Variants in HYOU1 observed in about 807,000 individuals in gnomAD.
The protein encoded by HYOU1 is hypoxia up-regulated 1, also known as hypoxia up-regulated protein 1.
HYOU1 carries 40 observed loss-of-function variants against 120.5 expected under a neutral mutation model. The observed-to-expected ratio is 0.33, with a 90% CI of 0.26 to 0.43. HYOU1 has a LOEUF of 0.43. HYOU1 is among the 20% of genes least tolerant of loss of function. The pLI, the probability that HYOU1 is intolerant of heterozygous loss-of-function variation, is 1.00. For missense variants in HYOU1, 1,085 were observed against 1,278.3 expected, an observed-to-expected ratio of 0.85 and a Z score of 2.31; for synonymous variants, 501 against 479.4, an observed-to-expected ratio of 1.05 and a Z score of -0.59.
Position 119,051,150 on chromosome 11 carries a change from G to T in HYOU1, c.1550C>A (p.Thr517Asn), listed in dbSNP as rs2133582855. 1 of 1,614,190 alleles carries T rather than the reference G, an allele frequency of 6.2e-7. No individual in the cohort carries two copies. The highest frequency in any genetic ancestry group is 2.2e-5 in the East Asian group (1 of 44,884). ...DLRVFGSQNL[T>N]TVKLKGVGDS... ...ACCCACCCCTTTTAGCTTCACTGTGGTCAGATTCTGGGAGCCAAATACCCT... is the reference window on the plus strand; with the variant it reads ...ACCCACCCCTTTTAGCTTCACTGTGTTCAGATTCTGGGAGCCAAATACCCT... Residue 517 changes from threonine (T) to asparagine (N), a missense_variant, in exon 14 of 26, where the codon ACC (threonine) becomes AAC (asparagine). By Grantham distance (65) the Thr-to-Asn change is moderately conservative. Coordinates refer to ENST00000617285, the MANE Select transcript of HYOU1 (RefSeq NM_006389.5). The surrounding 1 kb of genome is among the most constrained non-coding windows in gnomAD (Gnocchi z 4.2).
chr11:119,051,665 G>T lies in HYOU1; in HGVS notation c.1339-40C>A, dbSNP rs2133587008. The T allele has an allele frequency of 6.2e-6, 10 of 1,610,738 alleles. No individual in the cohort carries two copies. In the South Asian group the frequency reaches 1.1e-4, roughly 18 times the overall value. On this transcript the variant is annotated intron_variant, in intron 12 of 25. Transcript: ENST00000617285. This position sits in a 1 kb window ranked among gnomAD's most constrained non-coding sequence, Gnocchi z 4.2. ...GACAGAGGCACACTGTTGCACACTAGAGAACCCGAGTAGGTTCTGGGGTAA... is the reference window on the plus strand; with the variant it reads ...GACAGAGGCACACTGTTGCACACTATAGAACCCGAGTAGGTTCTGGGGTAA...
intron 8 of HYOU1, chr11:119,053,032 T>C (rs2133597317): frequency 1.8e-6 from 1 of 548,198 alleles, no homozygotes; most frequent in Non-Finnish European, 3.2e-6. Flanking sequence ...CTTCCACTCA[T>C]TCATTCGACA....
At position 119,049,486 on chromosome 11, in the gene HYOU1, C is replaced by G. The variant is rs2133573259; in HGVS notation, c.1806+70G>C. 34 of 1,577,922 alleles carry G rather than the reference C, an allele frequency of 2.2e-5. No homozygotes were observed. In the East Asian group the frequency reaches 4.7e-4, roughly 22 times the overall value. On this transcript the variant is annotated intron_variant, in intron 16 of 25. Transcript: ENST00000617285. ...GGGCAGGGGTGGCCTACCCTCACCC[C>G]CTTCCTCTGCGGCTACTACCTGCAT...
Position 119,055,668 on chromosome 11 carries a change from C to A in HYOU1, c.185+82G>T, listed in dbSNP as rs1015581350. 1.3e-6 allele frequency: 2 copies of A among 1,488,528 alleles called. No individual in the cohort carries two copies. The highest frequency in any genetic ancestry group is 2.8e-5 in the African/African-American group (2 of 72,402). 92.2% of individuals were successfully genotyped at this position (1,488,528 alleles called of 1,614,324 possible). ...TTAACCACTCAGATGCCGAAGTCTG[C>A]TGTGGGCACTATGACTAACACATTC... is the stretch of plus-strand genomic sequence containing the variant. On this transcript the variant is annotated intron_variant, in intron 3 of 25. Transcript: ENST00000617285. The surrounding 1 kb of genome is among the most constrained non-coding windows in gnomAD (Gnocchi z 4.0).
Position 119,055,101 on chromosome 11 carries a change from C to T in HYOU1, c.420-41G>A. Reference sequence around the variant, plus strand: ...GTAGTTGGAGCCAAGGAAAGCCAGGCATTAAGGCAGGACAATCAGGAACAC... The same window carrying T: ...GTAGTTGGAGCCAAGGAAAGCCAGGTATTAAGGCAGGACAATCAGGAACAC... On this transcript the variant is annotated intron_variant, in intron 5 of 25. Transcript: ENST00000617285. This position sits in a 1 kb window ranked among gnomAD's most constrained non-coding sequence, Gnocchi z 4.0. 1 of 1,613,580 alleles carries T rather than the reference C, an allele frequency of 6.2e-7. No homozygotes were observed. Among genetic ancestry groups the T allele is most frequent in the Non-Finnish European group, 8.5e-7 (1 of 1,179,548 alleles).
rs1296883575 is a variant in HYOU1, at chr11:119,051,283, C to T, written c.1527-110G>A. On this transcript the variant is annotated intron_variant, in intron 13 of 25. Transcript: ENST00000617285. This position sits in a 1 kb window ranked among gnomAD's most constrained non-coding sequence, Gnocchi z 4.2. ...GTCAGGGGCACTCCCCAAGGGCACA[C>T]TCAAGAGGACGGATGCATTCTCCAG... 6.6e-7 allele frequency: 1 copy of T among 1,522,044 alleles called. No homozygotes were observed. The highest frequency in any genetic ancestry group is 9.0e-7 in the Non-Finnish European group (1 of 1,113,064). The allele number at this position is 1,522,044 out of a possible 1,614,324, so 94.3% of individuals were successfully genotyped here.
rs2133569431 is a variant in HYOU1, at chr11:119,049,076, G to A, written c.1934C>T (p.Ala645Val). Reference protein sequence around the residue: ...QPPPPEPKGDATPEGEKATEK... With the variant: ...QPPPPEPKGDVTPEGEKATEK... ...TGTGGCCTTTTCTCCCTCAGGGGTT[G>A]CATCTCCCTTAGGTTCAGGGGGTGG... The change falls in exon 17 of 26, where the codon GCA (alanine) becomes GTA (valine). Residue 645 changes from alanine to valine, a missense_variant. Transcript: ENST00000617285. The A allele has an allele frequency of 6.8e-6, 11 of 1,614,026 alleles. No individual in the cohort carries two copies. The highest frequency in any genetic ancestry group is 4.0e-5 in the African/African-American group (3 of 74,910).
chr11:119,045,626 T>C lies in HYOU1; in HGVS notation c.2967A>G (p.Gly989=). 6.2e-7 allele frequency: 1 copy of C among 1,614,198 alleles called. No individual in the cohort carries two copies. The highest frequency in any genetic ancestry group is 8.5e-7 in the Non-Finnish European group (1 of 1,180,040). ...AEPEQKEQST[G]QKRPLKNDEL ...CGTCGTTCTTCAAAGGCCGCTTCTG[T>C]CCTGTCGATTGTTCTTTCTGTTCAG... The change falls in exon 26 of 26, where the codon GGA becomes GGG. Residue 989 remains glycine, a synonymous_variant. Transcript: ENST00000617285.
Position 119,045,775 on chromosome 11 carries a change from C to T in HYOU1, c.2938+6G>A, listed in dbSNP as rs2133544665. Reference sequence around the variant, plus strand: ...CTTCCCACCGTAGCCCCGGCTCCATCCTCACCTGCTCCAGGACCTCCTAAC... The same window carrying T: ...CTTCCCACCGTAGCCCCGGCTCCATTCTCACCTGCTCCAGGACCTCCTAAC... On this transcript the variant is annotated splice_donor_region_variant and intron_variant, in intron 25 of 25. Coordinates refer to ENST00000617285, the MANE Select transcript of HYOU1 (RefSeq NM_006389.5). 1 of 1,613,026 alleles carries T rather than the reference C, an allele frequency of 6.2e-7. No homozygotes were observed. Among genetic ancestry groups the T allele is most frequent in the Admixed American group, 1.7e-5 (1 of 59,554 alleles).
At chr11:119,050,575 G>A (rs1195832562) in intron 14 of HYOU1, among the ~76,000 whole-genome samples, 2 of 151,656 alleles carry the variant, frequency 1.3e-5, no homozygotes, top group South Asian at 2.1e-4. Context: ...AAAAAATTTC[G>A]CAGGATATGG....
chr11:119,055,316 C>T lies in HYOU1; in HGVS notation c.288G>A (p.Thr96=), dbSNP rs145661123. Residue 96 remains threonine, a synonymous_variant, in exon 5 of 26, where the codon ACG becomes ACA. Transcript: ENST00000617285. This position sits in a 1 kb window ranked among gnomAD's most constrained non-coding sequence, Gnocchi z 4.0. ...CCAGGAGGTGCTGGAAGTAACGTAGCGTAGCCTTTGGATTCTTAATCGCCT... is the reference window on the plus strand; with the variant it reads ...CCAGGAGGTGCTGGAAGTAACGTAGTGTAGCCTTTGGATTCTTAATCGCCT... The part of the protein sequence containing the change: ...ASMAIKNPKA[T]LRYFQHLLGK... 108 of 1,613,560 alleles carry T rather than the reference C, an allele frequency of 6.7e-5. No homozygotes were observed. The highest frequency in any genetic ancestry group is 9.4e-5 in the African/African-American group (7 of 74,860).
chr11:119,047,441 T>G (rs2133556700), intron 22 of HYOU1: 2 of 370,744 alleles, frequency 5.4e-6, no homozygotes, highest in Non-Finnish European at 1.0e-5. Flanking sequence ...CACATCAGTT[T>G]CACCTAGCCA....
rs1491302272 is a variant in HYOU1 at position 119,045,073 on chromosome 11, AAG to A, written c.*518_*519del. ...GGAATGGGGAAGGGAGGCTCAGAGC[AAG>A]AGAAGCCCGCAGAGGGAGGAAAGAG... On this transcript the variant is annotated 3_prime_UTR_variant, in exon 26 of 26. Transcript: ENST00000617285. 2.2e-6 allele frequency: 1 copy of A among 448,832 alleles called. No individual in the cohort carries two copies. Among genetic ancestry groups the A allele is most frequent in the African/African-American group, 2.0e-5 (1 of 49,974 alleles). 27.8% of individuals were successfully genotyped at this position (448,832 alleles called of 1,614,324 possible). A position where few individuals can be genotyped will look rare whatever the true frequency, so the allele number is the denominator to read the frequency against.
rs2133552497 is a variant in HYOU1, at chr11:119,046,694, C to T, written c.2704G>A (p.Val902Met). 1 of 1,613,804 alleles carries T rather than the reference C, an allele frequency of 6.2e-7. No individual in the cohort carries two copies. Among genetic ancestry groups the T allele is most frequent in the Non-Finnish European group, 8.5e-7 (1 of 1,180,042 alleles). The change falls in exon 23 of 26, where the codon GTG (valine) becomes ATG (methionine). Residue 902 changes from valine (V) to methionine (M), a missense_variant. This residue lies in a region of HYOU1 where 516 missense variants were observed against 517.1 expected (regional missense o/e 1.00). Coordinates refer to ENST00000617285, the MANE Select transcript of HYOU1 (RefSeq NM_006389.5). ...TTGGCCTTATTGAGCAGATACTGCA[C>T]CTCTCGGTCCAGGGCCATCATCTTA... is the stretch of plus-strand genomic sequence containing the variant. ...EAKMMALDREVQYLLNKAKFT... is the reference protein window; with the variant it reads ...EAKMMALDREMQYLLNKAKFT...
chr11:119,055,470 G>A lies in HYOU1; in HGVS notation c.264+23C>T, dbSNP rs2133613499. On this transcript the variant is annotated intron_variant, in intron 4 of 25. Coordinates refer to ENST00000617285, the MANE Select transcript of HYOU1 (RefSeq NM_006389.5). The surrounding 1 kb of genome is among the most constrained non-coding windows in gnomAD (Gnocchi z 4.0). ...TCTCCTCTCCTCTGCCCACCACTCT[G>A]GGAAGAGGGACTGCTAGCTCACCAT... is the stretch of plus-strand genomic sequence containing the variant. 2.5e-6 allele frequency: 4 copies of A among 1,612,124 alleles called. No homozygotes were observed. In the Admixed American group the frequency reaches 6.7e-5, roughly 27 times the overall value.
At chr11:119,046,202 G>C (rs1007670343) in intron 24 of HYOU1, among the ~76,000 whole-genome samples, 7 of 151,624 alleles carry the variant, frequency 4.6e-5, no homozygotes, top group African/African-American at 1.7e-4. Context: ...CTGACCTCAG[G>C]TGATCTACCC....
chr11:119,053,044 T>C (rs782759772), intron 8 of HYOU1: 7 of 539,748 alleles, frequency 1.3e-5, no homozygotes, highest in South Asian at 2.6e-5. Flanking sequence ...CATTCGACAG[T>C]GTTTACTGAG....
In HYOU1 at chr11:119,048,928, C is replaced by T; in HGVS notation, c.1993-42G>A. On this transcript the variant is annotated intron_variant, in intron 17 of 25. Transcript: ENST00000617285. The surrounding 1 kb of genome is among the most constrained non-coding windows in gnomAD (Gnocchi z 4.7). ...AGGGGTGTCAGGAAAAGCCTCTGCC[C>T]TCCTACATTCTCCACAAGGCCAGAA... is the stretch of plus-strand genomic sequence containing the variant. The T allele has an allele frequency of 6.2e-7, 1 of 1,607,006 alleles. No individual in the cohort carries two copies. The highest frequency in any genetic ancestry group is 8.5e-7 in the Non-Finnish European group (1 of 1,176,888).
rs1018212189 is a variant in HYOU1 at position 119,052,558 on chromosome 11, G to C, written c.987+79C>G. 1.3e-5 allele frequency: 20 copies of C among 1,568,846 alleles called. 1 individual carries two copies. In the South Asian group the frequency reaches 2.0e-4, roughly 16 times the overall value. ...GAGGAGCATGGGCCATGCCAGGCAC[G>C]AGCAGCCCAGTTCAGTGGCAGGGTC... is the stretch of plus-strand genomic sequence containing the variant. On this transcript the variant is annotated intron_variant, in intron 9 of 25. Transcript: ENST00000617285. The surrounding 1 kb of genome is among the most constrained non-coding windows in gnomAD (Gnocchi z 5.0).
Sources: allele counts gnomAD v4.1 joint callset (sites outside exome capture counted in the v4.1 genomes callset), GRCh38; gene constraint gnomAD v4.1.1; regional missense constraint gnomAD v4.1.1; non-coding constraint Gnocchi (gnomAD v3.1); transcripts MANE v1.5; gene names NCBI Gene and HGNC (gene_info 2026-07-23, HGNC 2026-07-21).